KIAA1671: variants seen among roughly 807,000 people sequenced by gnomAD.
KIAA1671 encodes the protein KIAA1671.
KIAA1671 carries 52 observed loss-of-function variants against 131.2 expected under a neutral mutation model. The ratio of observed to expected loss-of-function variants is 0.40; its 90% CI spans 0.32 to 0.50. KIAA1671 has a LOEUF of 0.50. Among genes scored for constraint, KIAA1671 ranks in the 20% least tolerant of loss-of-function variants. The pLI, the probability that KIAA1671 is intolerant of heterozygous loss-of-function variation, is 0.73. For synonymous variants in KIAA1671, 1,003 were observed against 961.6 expected (o/e 1.04, Z -0.80); for missense variants, 2,360 against 2,364.2 (o/e 1.00, Z 0.04).
intron 1 of KIAA1671, among the ~76,000 whole-genome samples, chr22:24,972,760 ACCAAGGATG>A (rs1186427760): frequency 9.2e-5 from 14 of 152,114 alleles, no homozygotes; most frequent in Non-Finnish European, 2.1e-4. Flanking sequence ...TGTTCTGGGC[ACCAAGGATG>A]CAGCAGGGTT....
intron 6 of KIAA1671, among the ~76,000 whole-genome samples, chr22:25,114,482 G>A (rs1333640831): frequency 2.0e-5 from 3 of 152,256 alleles, no homozygotes; most frequent in African/African-American, 7.2e-5. Context: ...TTGCAGATAA[G>A]TCAACGAAAC....
chr22:25,118,441 A>G (rs147716785), intron 6 of KIAA1671, among the ~76,000 whole-genome samples: 1 of 152,132 alleles, frequency 6.6e-6, no homozygotes, highest in African/African-American at 2.4e-5. Flanking sequence ...GGTGTACACC[A>G]CCACACCTAC....
chr22:25,005,833 GT>G (rs1297214726), intron 1 of KIAA1671, among the ~76,000 whole-genome samples: 16 of 152,224 alleles, frequency 1.1e-4, no homozygotes, highest in Admixed American at 6.5e-4. Context: ...TCTAAGTTTT[GT>G]GTGCTAGCTC....
intron 6 of KIAA1671, among the ~76,000 whole-genome samples, chr22:25,161,641 G>C (rs1200231836): frequency 6.6e-6 from 1 of 152,246 alleles, no homozygotes; most frequent in Non-Finnish European, 1.5e-5. Flanking sequence ...AGGGATGGGA[G>C]CACGTGTGCC....
In KIAA1671 at chr22:25,193,676, CCT is replaced by C. The variant is rs1340873565; in HGVS notation, c.*1278_*1279del. ...TGGGTGGATGGGCATGGATAGAAATCCTCTGTTTCTTTAGGTTAGGATAAACA... is the reference window on the plus strand; with the variant it reads ...TGGGTGGATGGGCATGGATAGAAATCCTGTTTCTTTAGGTTAGGATAAACA... On this transcript the variant is annotated 3_prime_UTR_variant, in exon 13 of 13. Coordinates refer to ENST00000358431, the MANE Select transcript of KIAA1671 (RefSeq NM_001145206.2). 6.6e-6 allele frequency: 1 copy of C among 152,224 alleles called. No homozygotes were observed. The highest frequency in any genetic ancestry group is 1.5e-5 in the Non-Finnish European group (1 of 68,098). 9.4% of individuals were successfully genotyped at this position (152,224 alleles called of 1,614,324 possible). A position where few individuals can be genotyped will look rare whatever the true frequency, so the allele number is the denominator to read the frequency against.
At chr22:25,077,114 A>G (rs1427696573) in intron 6 of KIAA1671, among the ~76,000 whole-genome samples, 1 of 152,198 alleles carries the variant, frequency 6.6e-6, no homozygotes, top group African/African-American at 2.4e-5. Context: ...AAAGCTTTCT[A>G]TGCATATCAA....
At chr22:24,953,095 T>C (rs1921494921) in intron 1 of KIAA1671, among the ~76,000 whole-genome samples, 1 of 151,426 alleles carries the variant, frequency 6.6e-6, no homozygotes, top group Non-Finnish European at 1.5e-5. Flanking sequence ...GACTTGGGAG[T>C]CGATCCCTGG....
At chr22:25,131,312 T>C (rs1046682458) in intron 6 of KIAA1671, among the ~76,000 whole-genome samples, 1 of 152,194 alleles carries the variant, frequency 6.6e-6, no homozygotes, top group South Asian at 2.1e-4. Context: ...AACTGGAGTT[T>C]TGCACAGGTT....
intron 1 of KIAA1671, among the ~76,000 whole-genome samples, chr22:24,961,807 G>A (rs944786244): frequency 9.8e-5 from 15 of 152,360 alleles, no homozygotes; most frequent in African/African-American, 3.6e-4. Context: ...TGTTTCTGAT[G>A]GGGTAGGACG....
In KIAA1671 at chr22:25,107,162, G is replaced by A. The variant is rs188398590; in HGVS notation, c.4530+57798G>A. ...CTGTGATTCCAGCACTTTGGGAGGC[G>A]GAGGGGGGCAGATCACGAGATCAGG... On this transcript the variant is annotated intron_variant, in intron 6 of 12. Coordinates refer to ENST00000358431, the MANE Select transcript of KIAA1671 (RefSeq NM_001145206.2). Among the ~76,000 whole-genome samples, 342 of 152,154 alleles carry A rather than the reference G, an allele frequency of 2.2e-3. 2 individuals are homozygous for A. The highest frequency in any genetic ancestry group is 7.5e-3 in the African/African-American group (312 of 41,518).
chr22:24,967,964 G>A (rs557279348), intron 1 of KIAA1671, among the ~76,000 whole-genome samples: 3 of 152,260 alleles, frequency 2.0e-5, no homozygotes, highest in East Asian at 1.9e-4. Flanking sequence ...CTGCACTCCA[G>A]CCTGGGCGAC....
chr22:25,109,107 A>G (rs1255544191), intron 6 of KIAA1671, among the ~76,000 whole-genome samples: 2 of 149,916 alleles, frequency 1.3e-5, no homozygotes, highest in Non-Finnish European at 3.0e-5. Flanking sequence ...GTCCTACACT[A>G]TCACTTCTTT....
At chr22:25,082,364 A>C (rs139303266) in intron 6 of KIAA1671, among the ~76,000 whole-genome samples, 73 of 152,202 alleles carry the variant, frequency 4.8e-4, no homozygotes, top group African/African-American at 1.7e-3. Flanking sequence ...CAAGAGGCTG[A>C]ACCACAATGC....
Position 25,134,821 on chromosome 22 carries a change from T to C in KIAA1671, c.4531-35999T>C, listed in dbSNP as rs555646640. On this transcript the variant is annotated intron_variant, in intron 6 of 12. Coordinates refer to ENST00000358431, the MANE Select transcript of KIAA1671 (RefSeq NM_001145206.2). ...AGCTCTGTAACCTGGGGTAAACTCC[T>C]TAACTTCTCTGAACCTCAGTTTCTT... Among the ~76,000 whole-genome samples, 24 of 152,344 alleles carry C rather than the reference T, an allele frequency of 1.6e-4. No homozygotes were observed. In the East Asian group the frequency reaches 3.7e-3, roughly 23 times the overall value.
chr22:25,143,454 G>T (rs1317473481), intron 6 of KIAA1671, among the ~76,000 whole-genome samples: 1 of 152,206 alleles, frequency 6.6e-6, no homozygotes, highest in African/African-American at 2.4e-5. Flanking sequence ...AAATGAATTC[G>T]TATAAAATAA....
intron 1 of KIAA1671, among the ~76,000 whole-genome samples, chr22:24,977,578 C>G (rs543308048): frequency 3.4e-4 from 52 of 152,326 alleles, no homozygotes; most frequent in Admixed American, 3.2e-3. Context: ...CCCAGCCCAC[C>G]CTGGGGCTCC....
At chr22:25,002,952 T>C (rs1162394293) in intron 1 of KIAA1671, among the ~76,000 whole-genome samples, 1 of 152,152 alleles carries the variant, frequency 6.6e-6, no homozygotes, top group Non-Finnish European at 1.5e-5. Context: ...AGCTAATTTT[T>C]GTAGAGATGG....
chr22:25,022,324 G>A (rs953844474), intron 1 of KIAA1671, among the ~76,000 whole-genome samples: 23 of 152,178 alleles, frequency 1.5e-4, no homozygotes, highest in South Asian at 4.1e-4. Context: ...CTGAATCTGG[G>A]AGAAAAGCTG....
chr22:25,073,978 G>T (rs1474660842), intron 6 of KIAA1671, among the ~76,000 whole-genome samples: 1 of 152,202 alleles, frequency 6.6e-6, no homozygotes, highest in African/African-American at 2.4e-5. Context: ...ACAGGCATGA[G>T]CCACTGCGCC....
Sources: gnomAD v4.1 joint callset for allele counts (sites outside exome capture counted in the v4.1 genomes callset) on GRCh38, gnomAD v4.1.1 for gene constraint, MANE v1.5 for transcripts, NCBI Gene and HGNC (gene_info 2026-07-23, HGNC 2026-07-21) for gene names.